Variants in LRFN5 observed in about 807,000 individuals in gnomAD.
The protein encoded by LRFN5 is leucine-rich repeat and fibronectin type-III domain-containing protein 5.
LRFN5 carries 24 observed loss-of-function variants against 45.6 expected under a neutral mutation model. The ratio of observed to expected loss-of-function variants is 0.53; its 90% CI spans 0.38 to 0.74. The LOEUF is 0.74. Ranked by LOEUF, LRFN5 falls within the 30% of genes least tolerant of loss-of-function variation. The pLI, the probability that LRFN5 is intolerant of heterozygous loss-of-function variation, is 0.00. For synonymous variants in LRFN5, 340 were observed against 313.8 expected (o/e 1.08, Z -0.88); for missense variants, 776 against 861.5 (o/e 0.90, Z 1.24).
At chr14:41,752,662 T>C (rs563674312) in intron 1 of LRFN5, among the ~76,000 whole-genome samples, 184 of 152,348 alleles carry the variant, frequency 1.2e-3, no homozygotes, top group African/African-American at 4.2e-3. Context: ...TTCTGGATAT[T>C]AGCCCTTTTC....
intron 1 of LRFN5, chr14:41,733,669 AT>A (rs1220387647): frequency 2.6e-5 from 4 of 152,074 alleles, no homozygotes; most frequent in Admixed American, 2.0e-4. Flanking sequence ...AAGTCATATT[AT>A]TTTTAATAAT....
chr14:41,823,839 C>A (rs1316848077), intron 2 of LRFN5, among the ~76,000 whole-genome samples: 1 of 152,096 alleles, frequency 6.6e-6, no homozygotes, highest in Non-Finnish European at 1.5e-5. Flanking sequence ...TTACATGATT[C>A]TTTCTCAAAG....
At chr14:41,718,170 C>T (rs373642622) in intron 1 of LRFN5, among the ~76,000 whole-genome samples, 7 of 152,232 alleles carry the variant, frequency 4.6e-5, no homozygotes, top group African/African-American at 1.7e-4. Context: ...AACTAAGTGA[C>T]CTTGGAGAAG....
intron 2 of LRFN5, among the ~76,000 whole-genome samples, chr14:41,789,415 C>T (rs1008919695): frequency 6.6e-6 from 1 of 151,986 alleles, no homozygotes; most frequent in Non-Finnish European, 1.5e-5. Context: ...CATCTTCCTC[C>T]TCTCTGATAT....
At chr14:41,715,692 C>T (rs1252543006) in intron 1 of LRFN5, among the ~76,000 whole-genome samples, 1 of 152,208 alleles carries the variant, frequency 6.6e-6, no homozygotes, top group African/African-American at 2.4e-5. Flanking sequence ...TACAGTCTCC[C>T]TCCTGGCTGC....
At chr14:41,670,226 T>C (rs1312050044) in intron 1 of LRFN5, among the ~76,000 whole-genome samples, 1 of 127,070 alleles carries the variant, frequency 7.9e-6, no homozygotes, top group African/African-American at 2.9e-5. Context: ...TATATATATG[T>C]ATACACACAC....
intron 2 of LRFN5, among the ~76,000 whole-genome samples, chr14:41,837,154 C>T (rs764019229): frequency 3.4e-5 from 4 of 117,270 alleles, no homozygotes; most frequent in Non-Finnish European, 6.5e-5. Flanking sequence ...GTTGGAGGCA[C>T]TAAAGGGAAT....
At chr14:41,853,253 A>G (rs1387560746) in intron 2 of LRFN5, among the ~76,000 whole-genome samples, 1 of 151,496 alleles carries the variant, frequency 6.6e-6, no homozygotes, top group Non-Finnish European at 1.5e-5. Flanking sequence ...AATTTATACA[A>G]CAAGTGCCAC....
chr14:41,736,685 C>T (rs1884447486), intron 1 of LRFN5, among the ~76,000 whole-genome samples: 1 of 152,124 alleles, frequency 6.6e-6, no homozygotes, highest in African/African-American at 2.4e-5. Flanking sequence ...ATTGATCCCA[C>T]AGAAATACAA....
chr14:41,868,287 A>T (rs796335116), intron 2 of LRFN5, among the ~76,000 whole-genome samples: 16 of 152,224 alleles, frequency 1.1e-4, no homozygotes, highest in African/African-American at 3.9e-4. Flanking sequence ...ATATTTGGCT[A>T]GTGGAAAGAA....
At chr14:41,699,823 A>T (rs2138722518) in intron 1 of LRFN5, 1 of 152,236 alleles carries the variant, frequency 6.6e-6, no homozygotes, top group Non-Finnish European at 1.5e-5. Context: ...CACTGAAGGA[A>T]ATACAATAAC....
At chr14:41,751,308 A>C (rs1885121853) in intron 1 of LRFN5, among the ~76,000 whole-genome samples, 1 of 152,148 alleles carries the variant, frequency 6.6e-6, no homozygotes. Flanking sequence ...CTATGGTAAA[A>C]TTCAAATGCA....
intron 3 of LRFN5, among the ~76,000 whole-genome samples, chr14:41,890,395 G>A (rs1890735011): frequency 2.0e-5 from 3 of 151,988 alleles, no homozygotes; most frequent in Non-Finnish European, 1.5e-5. Flanking sequence ...ATTAAAAAAG[G>A]ATTATATTTG....
chr14:41,676,602 G>A (rs1004359651), intron 1 of LRFN5, among the ~76,000 whole-genome samples: 1 of 152,056 alleles, frequency 6.6e-6, no homozygotes. Context: ...GTCAACTCTC[G>A]GGGTCTGGAG....
At chr14:41,670,184 CTATATA>C (rs773476624) in intron 1 of LRFN5, among the ~76,000 whole-genome samples, 1 of 127,912 alleles carries the variant, frequency 7.8e-6, no homozygotes, top group African/African-American at 3.0e-5. Context: ...TACACATTCT[CTATATA>C]TATATACATT....
chr14:41,645,378 G>A (rs1879768505), intron 1 of LRFN5, among the ~76,000 whole-genome samples: 1 of 152,144 alleles, frequency 6.6e-6, no homozygotes, highest in African/African-American at 2.4e-5. Context: ...GGGATTACAA[G>A]CGTGCACCAC....
At chr14:41,612,756 T>C (rs887015254) in intron 1 of LRFN5, among the ~76,000 whole-genome samples, 1 of 152,112 alleles carries the variant, frequency 6.6e-6, no homozygotes, top group Non-Finnish European at 1.5e-5. Context: ...AGAAGTATTA[T>C]GTTCATAATT....
At chr14:41,792,887 G>T (rs1886978563) in intron 2 of LRFN5, among the ~76,000 whole-genome samples, 1 of 151,050 alleles carries the variant, frequency 6.6e-6, no homozygotes, top group African/African-American at 2.4e-5. Flanking sequence ...AATTATAAAA[G>T]TATTACTTGG....
intron 1 of LRFN5, among the ~76,000 whole-genome samples, chr14:41,745,039 A>T (rs1884866097): frequency 6.6e-6 from 1 of 152,106 alleles, no homozygotes; most frequent in African/African-American, 2.4e-5. Flanking sequence ...GACCTAACAG[A>T]TACACAGAAC....
Sources: gnomAD v4.1 joint callset for allele counts (sites outside exome capture counted in the v4.1 genomes callset) on GRCh38, gnomAD v4.1.1 for gene constraint, MANE v1.5 for transcripts, NCBI Gene and HGNC (gene_info 2026-07-23, HGNC 2026-07-21) for gene names.